UNC80: variants seen among roughly 807,000 people sequenced by gnomAD.
The protein encoded by UNC80 is unc-80 subunit of NALCN channel complex.
UNC80 carries 164 observed loss-of-function variants against 384.6 expected under a neutral mutation model. The ratio of observed to expected loss-of-function variants is 0.43; its 90% confidence interval spans 0.38 to 0.49. The LOEUF (loss-of-function observed/expected upper bound fraction) is 0.49. UNC80 is among the 20% of genes least tolerant of loss of function. UNC80 has a pLI of 0.00. For missense variants in UNC80, 3,330 were observed against 4,143.0 expected, an observed-to-expected ratio of 0.80 and a Z score of 5.39; for synonymous variants, 1,486 against 1,527.8, an observed-to-expected ratio of 0.97 and a Z score of 0.64.
At chr2:209,834,244 G>T (rs564962246) in intron 17 of UNC80, 76 bp downstream of exon 17, 1 of 1,460,026 alleles carries the variant, frequency 6.8e-7, no homozygotes, top group Non-Finnish European at 9.2e-7. Flanking sequence ...CTGTTTGTGT[G>T]GTTCCTGTGC....
intron 30 of UNC80, among the ~76,000 whole-genome samples, chr2:209,912,903 T>G (rs1423457347): frequency 1.3e-5 from 2 of 152,062 alleles, no homozygotes; most frequent in Non-Finnish European, 2.9e-5. Context: ...ACCACAGCTC[T>G]CCCCACTGTC....
In UNC80 at chr2:209,971,591, G is replaced by A. The variant is rs572286223; in HGVS notation, c.8257-610G>A. The stretch of plus-strand genomic sequence containing the variant: ...GGAAAGTACACAACTGATGTAAATG[G>A]ATAACTGACCCATCCGTCGTTTGAC... On this transcript the variant is annotated intron_variant, in intron 54 of 64. Coordinates refer to ENST00000673920, the MANE Select transcript of UNC80 (RefSeq NM_001371986.1). Among the ~76,000 whole-genome samples the A allele has an allele frequency of 3.5e-4, 52 of 147,624 alleles. 2 individuals carry two copies. Among genetic ancestry groups the A allele is most frequent in the African/African-American group, 1.2e-3 (48 of 41,308 alleles).
At chr2:209,909,802 A>G (rs1574977963) in intron 29 of UNC80, among the ~76,000 whole-genome samples, 2 of 152,190 alleles carry the variant, frequency 1.3e-5, no homozygotes, top group Non-Finnish European at 1.5e-5. Context: ...TCATTGGTCC[A>G]AGTTCTACCC....
intron 47 of UNC80, among the ~76,000 whole-genome samples, chr2:209,946,420 T>C (rs1222882831): frequency 6.7e-6 from 1 of 150,272 alleles, no homozygotes; most frequent in Admixed American, 6.6e-5. Flanking sequence ...AGAAACAAAG[T>C]TTAGGAAACA....
At chr2:209,973,361 A>C in intron 56 of UNC80, 91 bp downstream of exon 56, 4 of 1,191,118 alleles carry the variant, frequency 3.4e-6, no homozygotes, top group Non-Finnish European at 4.6e-6. Flanking sequence ...TAAATAAATA[A>C]ATAGATGTAC....
intron 33 of UNC80, among the ~76,000 whole-genome samples, chr2:209,921,283 T>G (rs929196245): frequency 1.3e-5 from 2 of 152,174 alleles, no homozygotes; most frequent in African/African-American, 4.8e-5. Context: ...TATGTGTTCA[T>G]GAAGAATCAT....
At chr2:209,899,226 G>C (rs1015533268) in intron 28 of UNC80, among the ~76,000 whole-genome samples, 1 of 152,172 alleles carries the variant, frequency 6.6e-6, no homozygotes. Flanking sequence ...TAGAGGTGCA[G>C]TGGTAGATAC....
At chr2:209,871,753 A>G (rs2084313981) in intron 22 of UNC80, among the ~76,000 whole-genome samples, 1 of 151,600 alleles carries the variant, frequency 6.6e-6, no homozygotes, top group African/African-American at 2.4e-5. Context: ...CAAAGATTTC[A>G]GTAGAGTATT....
intron 24 of UNC80, among the ~76,000 whole-genome samples, chr2:209,878,520 T>TA (rs1348216141): frequency 6.6e-6 from 1 of 152,210 alleles, no homozygotes; most frequent in African/African-American, 2.4e-5. Context: ...TCCAAATCAC[T>TA]AAAATATTGA....
At chr2:209,951,995 T>C (rs532239621) in intron 47 of UNC80, among the ~76,000 whole-genome samples, 1 of 152,322 alleles carries the variant, frequency 6.6e-6, no homozygotes, top group Admixed American at 6.5e-5. Flanking sequence ...CACTTACCTT[T>C]CAGGTTTCTA....
At chr2:209,941,913 C>A (rs2091658352) in intron 44 of UNC80, among the ~76,000 whole-genome samples, 1 of 151,782 alleles carries the variant, frequency 6.6e-6, no homozygotes, top group South Asian at 2.1e-4. Flanking sequence ...ATCTCTAAAA[C>A]AAAAAAAAGT....
At chr2:209,900,263 T>C (rs1485368770) in intron 28 of UNC80, among the ~76,000 whole-genome samples, 1 of 152,306 alleles carries the variant, frequency 6.6e-6, no homozygotes, top group African/African-American at 2.4e-5. Flanking sequence ...CAACCCTGCA[T>C]TGAGCAAGTC....
chr2:209,817,621 C>A (rs1340532560), intron 10 of UNC80, among the ~76,000 whole-genome samples, 191 bp from the exon 11 acceptor site: 4 of 152,130 alleles, frequency 2.6e-5, no homozygotes, highest in Non-Finnish European at 5.9e-5. Context: ...GACCTTATCA[C>A]AGGCAGCTTC....
chr2:209,775,661 A>C (rs2153824546), intron 2 of UNC80, among the ~76,000 whole-genome samples: 1 of 152,326 alleles, frequency 6.6e-6, no homozygotes, highest in African/African-American at 2.4e-5. Context: ...TTGGCTCAAA[A>C]GCCTGCAAAT....
chr2:209,964,585 G>A (rs2092690849), intron 51 of UNC80, among the ~76,000 whole-genome samples: 1 of 151,984 alleles, frequency 6.6e-6, no homozygotes, highest in Admixed American at 6.6e-5. Context: ...TCAAGAGATC[G>A]AGACCATCCT....
At chr2:209,963,633 G>A (rs2092662216) in intron 51 of UNC80, among the ~76,000 whole-genome samples, 1 of 152,126 alleles carries the variant, frequency 6.6e-6, no homozygotes, top group South Asian at 2.1e-4. Context: ...AATAACCTGA[G>A]AAGTAAAGAA....
At chr2:209,829,503 T>C in intron 15 of UNC80, 124 bp downstream of exon 15, 1 of 916,812 alleles carries the variant, frequency 1.1e-6, no homozygotes, top group Non-Finnish European at 1.7e-6. Context: ...TGTCCATGCA[T>C]GTGTGTGGGT....
intron 23 of UNC80, among the ~76,000 whole-genome samples, chr2:209,876,435 C>T (rs181120483): frequency 5.9e-5 from 9 of 152,226 alleles, no homozygotes; most frequent in African/African-American, 2.2e-4. Flanking sequence ...AGGCATTTTT[C>T]TAGCTTTGGG....
At chr2:209,875,527 T>G (rs2084699593) in intron 23 of UNC80, among the ~76,000 whole-genome samples, 1 of 152,196 alleles carries the variant, frequency 6.6e-6, no homozygotes, top group African/African-American at 2.4e-5. Flanking sequence ...CTGGCATAAG[T>G]GATCAGGTTA....
Sources: gnomAD v4.1 joint callset for allele counts (sites outside exome capture counted in the v4.1 genomes callset) on GRCh38, gnomAD v4.1.1 for gene constraint, MANE v1.5 for transcripts, NCBI Gene and HGNC (gene_info 2026-07-23, HGNC 2026-07-21) for gene names.